CYRIB: variants seen among roughly 807,000 people sequenced by gnomAD.
The protein encoded by CYRIB is CYFIP-related Rac1 interactor B.
CYRIB carries 8 observed loss-of-function variants against 44.2 expected under a neutral mutation model. The observed-to-expected ratio is 0.18, with a 90% CI of 0.11 to 0.33. CYRIB has a LOEUF of 0.33. Among genes scored for constraint, CYRIB ranks in the 10% least tolerant of loss-of-function variants. The pLI is 1.00. For missense variants in CYRIB, 185 were observed against 382.8 expected (o/e 0.48, Z 4.31); for synonymous variants, 131 against 127.2 (o/e 1.03, Z -0.20).
At chr8:129,866,298 T>C (rs1296969619) in intron 4 of CYRIB, among the ~76,000 whole-genome samples, 1 of 152,152 alleles carries the variant, frequency 6.6e-6, no homozygotes, top group African/African-American at 2.4e-5. Context: ...TAAATTTGAG[T>C]GTGAAGGAAA....
rs35845303 is a variant in CYRIB at position 129,960,949 on chromosome 8, CAAAA to C, written c.-243+9990_-243+9993del. Among the ~76,000 whole-genome samples, 95 of 102,852 alleles carry C rather than the reference CAAAA, an allele frequency of 9.2e-4. 1 individual carries two copies. The highest frequency in any genetic ancestry group is 3.1e-3 in the African/African-American group (91 of 29,130). 67.5% of individuals were successfully genotyped at this position (102,852 alleles called of 152,430 possible). A position where few individuals can be genotyped will look rare whatever the true frequency, so the allele number is the denominator to read the frequency against. On this transcript the variant is annotated intron_variant, in intron 2 of 14. Coordinates refer to the CYRIB transcript ENST00000401979. Reference sequence around the variant, plus strand: ...TGGGCGACAGAGCAAGACTCAGTCTCAAAAAAAAAAAAAAAAGAAAGAAAGAAAG... The same window carrying C: ...TGGGCGACAGAGCAAGACTCAGTCTCAAAAAAAAAAAAGAAAGAAAGAAAG...
chr8:129,857,808 G>A (rs1032803391), intron 5 of CYRIB, among the ~76,000 whole-genome samples: 8 of 151,996 alleles, frequency 5.3e-5, no homozygotes, highest in African/African-American at 1.7e-4. Flanking sequence ...GAGAGACACC[G>A]AACAGAAAAA....
chr8:129,888,938 C>A (rs2063897643), intron 2 of CYRIB, among the ~76,000 whole-genome samples: 1 of 151,940 alleles, frequency 6.6e-6, no homozygotes, highest in Non-Finnish European at 1.5e-5. Flanking sequence ...ACTAAAAATA[C>A]AAAAATTAGC....
intron 4 of CYRIB, 26 bp from the exon 7 acceptor site, chr8:129,862,360 G>GT (rs1445551223): frequency 6.9e-7 from 1 of 1,452,136 alleles, no homozygotes; most frequent in Non-Finnish European, 9.5e-7. Context: ...AATAAAAATA[G>GT]TTAGAGTTAA....
At chr8:129,932,186 G>C (rs2138452725) in intron 1 of CYRIB, among the ~76,000 whole-genome samples, 1 of 152,024 alleles carries the variant, frequency 6.6e-6, no homozygotes, top group East Asian at 1.9e-4. Flanking sequence ...TTTCAGTAGA[G>C]ACAGGGTTTC....
At position 129,900,504 on chromosome 8, in the gene CYRIB, C is replaced by T. The variant is rs980849815; in HGVS notation, c.-11+2808G>A. ...TCTAGATCAGGCTGAAACTTACCAC[C>T]GTACAGCTTATACTACTGATGGAAC... On this transcript the variant is annotated intron_variant, in intron 2 of 11. Coordinates refer to ENST00000519824, the Ensembl canonical transcript of CYRIB. Among the ~76,000 whole-genome samples, 11 of 152,284 alleles carry T rather than the reference C, an allele frequency of 7.2e-5. No homozygotes were observed. The East Asian group carries it at 1.9e-3, about 27-fold the overall frequency.
intron 2 of CYRIB, among the ~76,000 whole-genome samples, chr8:129,957,197 G>GT (rs969154385): frequency 6.6e-6 from 1 of 152,094 alleles, no homozygotes; most frequent in Non-Finnish European, 1.5e-5. Flanking sequence ...CCTTTCTCAT[G>GT]TTCTATTTTC....
intron 11 of CYRIB, among the ~76,000 whole-genome samples, chr8:129,846,222 ACTT>A (rs1586868747): frequency 6.6e-6 from 1 of 152,368 alleles, no homozygotes; most frequent in East Asian, 1.9e-4. Flanking sequence ...AATAATGACT[ACTT>A]AATTTTTATT....
rs766048120 is a variant in CYRIB at position 129,854,351 on chromosome 8, AGAC to A, written c.439-11_439-9del. 3.1e-6 allele frequency: 5 copies of A among 1,597,916 alleles called. No homozygotes were observed. In the South Asian group the frequency reaches 5.7e-5, roughly 18 times the overall value. On this transcript the variant is annotated splice_polypyrimidine_tract_variant and intron_variant, in intron 6 of 11. Coordinates refer to ENST00000519824, the Ensembl canonical transcript of CYRIB. ...TATGGCAGGATTTGTCATCTGAAGA[AGAC>A]AGTTGTGGAAAAAAAATGTTATGTA...
At chr8:129,976,673 T>G (rs1215794878) in intron 1 of CYRIB, among the ~76,000 whole-genome samples, 1 of 152,210 alleles carries the variant, frequency 6.6e-6, no homozygotes, top group East Asian at 1.9e-4. Context: ...AATTTCTCCC[T>G]ACGGCTGCCT....
intron 2 of CYRIB, among the ~76,000 whole-genome samples, chr8:129,960,841 T>C (rs2095212307): frequency 6.9e-6 from 1 of 145,170 alleles, no homozygotes; most frequent in Non-Finnish European, 1.5e-5. Context: ...ACCCCAGCTC[T>C]CAGGAGGCTG....
chr8:129,861,188 C>T (rs886835650), intron 5 of CYRIB, among the ~76,000 whole-genome samples: 13 of 152,182 alleles, frequency 8.5e-5, no homozygotes, highest in African/African-American at 3.1e-4. Flanking sequence ...TCTCCTGTGT[C>T]TATTCACTGT....
intron 1 of CYRIB, among the ~76,000 whole-genome samples, chr8:129,996,873 C>G (rs896178479): frequency 2.6e-5 from 4 of 152,016 alleles, no homozygotes; most frequent in Non-Finnish European, 4.4e-5. Context: ...GGATTCCTAA[C>G]GATGGAATGG....
At chr8:129,910,393 A>C (rs1272137021) in intron 1 of CYRIB, among the ~76,000 whole-genome samples, 1 of 152,136 alleles carries the variant, frequency 6.6e-6, no homozygotes, top group Non-Finnish European at 1.5e-5. Context: ...ATTGCTGTCC[A>C]AAGATACATT....
chr8:129,948,152 C>T (rs534378529), intron 2 of CYRIB, among the ~76,000 whole-genome samples: 3 of 152,130 alleles, frequency 2.0e-5, no homozygotes, highest in African/African-American at 4.8e-5. Flanking sequence ...TGATGTATGA[C>T]GAAGCAAGGA....
At chr8:129,933,169 C>T (rs748587480) in intron 1 of CYRIB, among the ~76,000 whole-genome samples, 2 of 152,144 alleles carry the variant, frequency 1.3e-5, no homozygotes, top group African/African-American at 2.4e-5. Flanking sequence ...CATTAAACTG[C>T]GAGAGAATGA....
At chr8:129,937,538 G>C (rs1194206373) in intron 1 of CYRIB, among the ~76,000 whole-genome samples, 2 of 152,142 alleles carry the variant, frequency 1.3e-5, no homozygotes, top group East Asian at 1.9e-4. Context: ...GTTTATTCCT[G>C]GAGAGTTCAG....
chr8:129,879,283 C>A, intron 3 of CYRIB, 106 bp downstream of exon 5: 2 of 740,126 alleles, frequency 2.7e-6, no homozygotes, highest in South Asian at 3.2e-5. Context: ...ATAGCTCAGT[C>A]ATGCAAAGCA....
rs1473169077 is a variant in CYRIB at position 129,957,676 on chromosome 8, A to C, written c.-243+13267T>G. ...TGAAACCCCATCTCTACTAAAAATAAAAAAAATTGGCCGGCGTGGTGGCAC... is the reference window on the plus strand; with the variant it reads ...TGAAACCCCATCTCTACTAAAAATACAAAAAATTGGCCGGCGTGGTGGCAC... On this transcript the variant is annotated intron_variant, in intron 2 of 14. Coordinates refer to the CYRIB transcript ENST00000401979. Among the ~76,000 whole-genome samples the C allele has an allele frequency of 2.0e-5, 3 of 151,916 alleles. No individual in the cohort carries two copies. In the East Asian group the frequency reaches 5.8e-4, roughly 29 times the overall value.
Sources: allele counts gnomAD v4.1 joint callset (sites outside exome capture counted in the v4.1 genomes callset), GRCh38; gene constraint gnomAD v4.1.1; transcripts MANE v1.5; gene names NCBI Gene and HGNC (gene_info 2026-07-23, HGNC 2026-07-21).